NTRK1: variants seen among roughly 807,000 people sequenced by gnomAD.
NTRK1 encodes neurotrophic receptor tyrosine kinase 1, also known as high affinity nerve growth factor receptor.
In NTRK1, 62 loss-of-function variants were observed where a neutral mutation model predicts 86.8. The ratio of observed to expected loss-of-function variants is 0.71; its 90% CI spans 0.58 to 0.88. NTRK1 has a LOEUF of 0.88. NTRK1 is among the 40% of genes least tolerant of loss of function. The probability of loss-of-function intolerance (pLI) is 0.00; values close to 1 mark genes in which losing one functional copy is unlikely to be tolerated. For synonymous variants in NTRK1, 469 were observed against 456.6 expected (o/e 1.03, Z -0.35); for missense variants, 967 against 1,078.4 (o/e 0.90, Z 1.45).
At chr1:156,874,006 G>C (rs755138439) in intron 8 of NTRK1, 47 bp downstream of exon 8, 15 of 1,533,012 alleles carry the variant, frequency 9.8e-6, no homozygotes, top group Non-Finnish European at 1.3e-5. Context: ...GGCTCCTCCT[G>C]GGTTACAGCC....
chr1:156,856,376 G>A (rs1655405836), upstream of NTRK1, among the ~76,000 whole-genome samples: 1 of 152,208 alleles, frequency 6.6e-6, no homozygotes, highest in African/African-American at 2.4e-5. Flanking sequence ...CCAGTCTTAA[G>A]GGAGTTAGAT....
At chr1:156,823,716 T>C (rs938089885) in intron 1 of NTRK1, among the ~76,000 whole-genome samples, 2 of 152,222 alleles carry the variant, frequency 1.3e-5, no homozygotes, top group African/African-American at 4.8e-5. Context: ...AGTTTGGCGC[T>C]TGGCTGTAGC....
chr1:156,878,755 C>T (rs1648070996), intron 14 of NTRK1, among the ~76,000 whole-genome samples: 1 of 152,166 alleles, frequency 6.6e-6, no homozygotes, highest in South Asian at 2.1e-4. Flanking sequence ...TGGGAAGGGT[C>T]CCTTCCCTGA....
chr1:156,818,031 C>A (rs1654064264), intron 1 of NTRK1, among the ~76,000 whole-genome samples: 1 of 152,220 alleles, frequency 6.6e-6, no homozygotes, highest in Admixed American at 6.5e-5. Context: ...TCTTCACAAA[C>A]TAAGAAGGGG....
chr1:156,841,462 A>T, intron 1 of NTRK1: 5 of 1,613,930 alleles, frequency 3.1e-6, no homozygotes, highest in Non-Finnish European at 4.2e-6. Flanking sequence ...GCACCTGCTC[A>T]TTGGACAGGC....
intron 1 of NTRK1, among the ~76,000 whole-genome samples, chr1:156,817,728 C>T (rs971612555): frequency 3.3e-5 from 5 of 151,450 alleles, no homozygotes; most frequent in African/African-American, 9.7e-5. Flanking sequence ...CTGCAACTTC[C>T]GCCTCCCAGG....
At chr1:156,853,296 T>C (rs1159907523) in intron 2 of NTRK1, among the ~76,000 whole-genome samples, 1 of 152,212 alleles carries the variant, frequency 6.6e-6, no homozygotes, top group African/African-American at 2.4e-5. Context: ...GGCCCTGCTC[T>C]GACACTTTGT....
upstream of NTRK1, among the ~76,000 whole-genome samples, chr1:156,857,738 C>T (rs1172209265): frequency 2.0e-5 from 3 of 152,212 alleles, no homozygotes; most frequent in African/African-American, 7.2e-5. Context: ...CATCATAGGA[C>T]CTCTCGGGCA....
intron 1 of NTRK1, among the ~76,000 whole-genome samples, chr1:156,832,820 A>G (rs1348604073): frequency 6.6e-6 from 1 of 152,196 alleles, no homozygotes; most frequent in Non-Finnish European, 1.5e-5. Context: ...GTTCTTACAC[A>G]GCTGCATGAG....
intron 14 of NTRK1, among the ~76,000 whole-genome samples, chr1:156,877,993 T>A (rs1648019680): frequency 6.6e-6 from 1 of 152,184 alleles, no homozygotes; most frequent in African/African-American, 2.4e-5. Flanking sequence ...AGACATGGCA[T>A]AGGCTCAGTG....
At chr1:156,819,565 T>C (rs1654126284) in intron 1 of NTRK1, among the ~76,000 whole-genome samples, 1 of 151,762 alleles carries the variant, frequency 6.6e-6, no homozygotes, top group Admixed American at 6.6e-5. Flanking sequence ...TTGTTGCCCA[T>C]GCTGGAGTGC....
At chr1:156,859,783 A>G (rs1434428851), upstream of NTRK1, among the ~76,000 whole-genome samples, 1 of 151,990 alleles carries the variant, frequency 6.6e-6, no homozygotes, top group African/African-American at 2.4e-5. This position sits in a 1 kb window ranked among gnomAD's most constrained non-coding sequence, Gnocchi z 6.2. Context: ...AGCCTCTAGG[A>G]GGTCGTCCTT....
rs780685629 is a variant in NTRK1 at position 156,854,317 on chromosome 1, C to A, written c.51-10037C>A. ...GGCTGGGGCACACTGTGGGCATACA[C>A]GGCACGCAGCATTGAGTACAGCCCA... On this transcript the variant is annotated intron_variant, in intron 2 of 16. Coordinates refer to the NTRK1 transcript ENST00000392302. The surrounding 1 kb of genome is among the most constrained non-coding windows in gnomAD (Gnocchi z 4.2). 1 of 1,595,010 alleles carries A rather than the reference C, an allele frequency of 6.3e-7. No homozygotes were observed. Among genetic ancestry groups the A allele is most frequent in the Non-Finnish European group, 8.5e-7 (1 of 1,171,454 alleles).
At chr1:156,852,758 C>T (rs1655270159) in intron 2 of NTRK1, among the ~76,000 whole-genome samples, 1 of 152,196 alleles carries the variant, frequency 6.6e-6, no homozygotes, top group Admixed American at 6.5e-5. Context: ...GCTATGGGAG[C>T]GATCTGTGGG....
At position 156,879,385 on chromosome 1, in the gene NTRK1, G is replaced by A. The variant is rs374657689; in HGVS notation, c.2046+23G>A. 22 of 1,584,912 alleles carry A rather than the reference G, an allele frequency of 1.4e-5. No individual in the cohort carries two copies. In the African/African-American group the frequency reaches 2.3e-4, roughly 16 times the overall value. Reference sequence around the variant, plus strand: ...CGTGTAAGGGTCCTTTGTCCCCAACGCCTTCCCCTGCATCCAAACTGTAGA... The same window carrying A: ...CGTGTAAGGGTCCTTTGTCCCCAACACCTTCCCCTGCATCCAAACTGTAGA... On this transcript the variant is annotated intron_variant, in intron 15 of 16. Transcript: ENST00000524377.
chr1:156,851,824 C>T (rs765578196), intron 2 of NTRK1: 3 of 1,588,432 alleles, frequency 1.9e-6, no homozygotes, highest in South Asian at 1.1e-5. Context: ...AGCCTTGGAC[C>T]AGTTTGGGCC....
intron 1 of NTRK1, chr1:156,816,267 G>A (rs1229120211): frequency 8.0e-6 from 5 of 628,766 alleles, no homozygotes; most frequent in Non-Finnish European, 9.9e-6. Context: ...AAGTAGCCAA[G>A]GCGGCATGGG....
intron 1 of NTRK1, among the ~76,000 whole-genome samples, chr1:156,862,474 C>A (rs1030359118): frequency 1.3e-5 from 2 of 152,152 alleles, no homozygotes; most frequent in Non-Finnish European, 2.9e-5. Flanking sequence ...CCAAGTGGGT[C>A]CAGCAGGGTA....
intron 2 of NTRK1, among the ~76,000 whole-genome samples, chr1:156,850,722 T>A (rs1446512508): frequency 6.7e-6 from 1 of 149,958 alleles, no homozygotes; most frequent in Non-Finnish European, 1.5e-5. Context: ...GCCCATCTAC[T>A]TTTTTTGTAT....
Sources: gnomAD v4.1 joint callset for allele counts (sites outside exome capture counted in the v4.1 genomes callset) on GRCh38, gnomAD v4.1.1 for gene constraint, Gnocchi (gnomAD v3.1) non-coding constraint, MANE v1.5 for transcripts, NCBI Gene and HGNC (gene_info 2026-07-23, HGNC 2026-07-21) for gene names.